TP73: variants seen among roughly 807,000 people sequenced by gnomAD.
The protein encoded by TP73 is tumor protein p73, also known as p53-like transcription factor.
A neutral mutation model predicts 62.5 loss-of-function variants in TP73; 25 were observed. That is an observed-to-expected ratio of 0.40 (90% CI 0.29 to 0.56). The LOEUF is 0.56. Ranked by LOEUF, TP73 falls within the 20% of genes least tolerant of loss-of-function variation. The pLI, the probability that TP73 is intolerant of heterozygous loss-of-function variation, is 0.46. For synonymous variants in TP73, 423 were observed against 377.5 expected, an observed-to-expected ratio of 1.12 and a Z score of -1.40; for missense variants, 754 against 913.3, an observed-to-expected ratio of 0.83 and a Z score of 2.25.
rs1641258301 is a variant in TP73 at position 3,723,397 on chromosome 1, T to C, written c.660T>C (p.Asn220=). 2 of 1,612,520 alleles carry C rather than the reference T, an allele frequency of 1.2e-6. No individual in the cohort carries two copies. Among genetic ancestry groups the C allele is most frequent in the Non-Finnish European group, 1.7e-6 (2 of 1,179,850 alleles). ...GCCACCTCATCCGCGTGGAAGGCAA[T>C]AATCTCTCGCAGTATGTGGATGACC... The part of the protein sequence containing the change: ...PASHLIRVEG[N]NLSQYVDDPV... The change falls in exon 6 of 14, where the codon AAT becomes AAC. Residue 220 remains asparagine (N), a synonymous_variant. Transcript: ENST00000378295.
chr1:3,684,981 C>G (rs1355580696), intron 3 of TP73, among the ~76,000 whole-genome samples: 1 of 152,150 alleles, frequency 6.6e-6, no homozygotes, highest in African/African-American at 2.4e-5. Context: ...GACCCCACCC[C>G]CTCCAGGTCC....
intron 3 of TP73, among the ~76,000 whole-genome samples, chr1:3,690,040 G>T (rs1371277750): frequency 2.6e-5 from 4 of 152,204 alleles, no homozygotes; most frequent in African/African-American, 9.6e-5. Flanking sequence ...GGCCGTCCAC[G>T]CCTGCAGGGG....
At chr1:3,726,420 G>A (rs900332043) in intron 6 of TP73, among the ~76,000 whole-genome samples, 1 of 99,372 alleles carries the variant, frequency 1.0e-5, no homozygotes, top group Non-Finnish European at 2.2e-5. Context: ...GATGGATGGG[G>A]TGGGTGTTGG....
intron 3 of TP73, among the ~76,000 whole-genome samples, chr1:3,687,403 C>T (rs914585459): frequency 4.6e-5 from 7 of 152,194 alleles, no homozygotes; most frequent in Admixed American, 1.3e-4. Flanking sequence ...AAAGCTCCCT[C>T]GTAGGCTCGC....
At chr1:3,698,112 G>T (rs1638831333) in intron 3 of TP73, 1 of 985,598 alleles carries the variant, frequency 1.0e-6, no homozygotes, top group African/African-American at 1.7e-5. Context: ...CACAGCAGGA[G>T]GCTGTTACAG....
At chr1:3,675,708 C>T (rs1645349658) in intron 1 of TP73, among the ~76,000 whole-genome samples, 1 of 152,120 alleles carries the variant, frequency 6.6e-6, no homozygotes, top group Admixed American at 6.5e-5. Flanking sequence ...GTGGGTGTCC[C>T]CATGGGGAGT....
Position 3,730,008 on chromosome 1 carries a change from T to C in TP73, c.1205T>C (p.Leu402Pro), listed in dbSNP as rs1642003609. The change falls in exon 11 of 14, where the codon CTA (leucine) becomes CCA (proline). Residue 402 changes from leucine (L) to proline (P), a missense_variant. Physicochemically the swap from Leu to Pro is moderately conservative, Grantham distance 98 (BLOSUM62 -3). This residue lies in a region of TP73 where 458 missense variants were observed against 528.7 expected (regional missense o/e 0.87). Coordinates refer to ENST00000378295, the MANE Select transcript of TP73 (RefSeq NM_005427.4). ...CCGTTGCTTCTGAGCAGGAGTCACCTACAGCCCCCGTCCTACGGGCCGGTC... is the reference window on the plus strand; with the variant it reads ...CCGTTGCTTCTGAGCAGGAGTCACCCACAGCCCCCGTCCTACGGGCCGGTC... ...QQQLLQRPSH[L>P]QPPSYGPVLS... is the part of the protein sequence containing the mutation. The C allele has an allele frequency of 2.5e-6, 4 of 1,593,032 alleles. No homozygotes were observed. In the African/African-American group the frequency reaches 4.0e-5, roughly 16 times the overall value.
At chr1:3,660,747 A>G (rs1644971342) in intron 1 of TP73, among the ~76,000 whole-genome samples, 7 of 152,256 alleles carry the variant, frequency 4.6e-5, no homozygotes, top group Admixed American at 4.6e-4. Flanking sequence ...TCGAAGACAC[A>G]ACATTTTAGA....
In TP73 at chr1:3,672,134, G is replaced by A. The variant is rs964167694; in HGVS notation, c.-33-10199G>A. Among the ~76,000 whole-genome samples, 11 of 152,090 alleles carry A rather than the reference G, an allele frequency of 7.2e-5. No homozygotes were observed. Among genetic ancestry groups the A allele is most frequent in the Non-Finnish European group, 1.3e-4 (9 of 67,984 alleles). ...CGTGTCCCAGACCCCTTAGAGAAAA[G>A]CCCAGAGCCAGGGGTGAGGGGTATG... is the stretch of plus-strand genomic sequence containing the variant. On this transcript the variant is annotated intron_variant, in intron 1 of 13. Transcript: ENST00000378295. This position sits in a 1 kb window ranked among gnomAD's most constrained non-coding sequence, Gnocchi z 5.3.
At chr1:3,653,173 C>T (rs1644794044) in intron 1 of TP73, among the ~76,000 whole-genome samples, 4 of 152,260 alleles carry the variant, frequency 2.6e-5, no homozygotes, top group African/African-American at 9.6e-5. Context: ...GGGCCTTGAC[C>T]CATGGAGTTG....
intron 3 of TP73, among the ~76,000 whole-genome samples, chr1:3,686,484 T>C (rs1184360200): frequency 1.3e-5 from 2 of 152,138 alleles, no homozygotes; most frequent in East Asian, 3.9e-4. Flanking sequence ...GGATGCCAGG[T>C]GCTGGGTGCT....
rs1283894826 is a variant in TP73, at chr1:3,723,849, G to A, written c.732+380G>A. Among the ~76,000 whole-genome samples, 4 of 152,210 alleles carry A rather than the reference G, an allele frequency of 2.6e-5. No homozygotes were observed. The East Asian group carries it at 7.7e-4, about 29-fold the overall frequency. ...GAGGTCCCCGCCCATTTAGACCCTG[G>A]ATTGGCTGGGGCAGAACCAAACCAG... is the stretch of plus-strand genomic sequence containing the variant. On this transcript the variant is annotated intron_variant, in intron 6 of 13. Transcript: ENST00000378295.
intron 4 of TP73, among the ~76,000 whole-genome samples, chr1:3,713,497 T>TGG (rs1034653961): frequency 1.3e-5 from 2 of 151,798 alleles, no homozygotes; most frequent in Non-Finnish European, 2.9e-5. Flanking sequence ...CGGGGCAAGG[T>TGG]GGGGGGCTCA....
At chr1:3,704,679 C>G (rs965695788) in intron 3 of TP73, among the ~76,000 whole-genome samples, 3 of 152,176 alleles carry the variant, frequency 2.0e-5, no homozygotes, top group Non-Finnish European at 4.4e-5. Context: ...GGCCTGGGCC[C>G]GTGGTCGTAA....
In TP73 at chr1:3,696,340, G is replaced by T. The variant is rs920562528; in HGVS notation, c.187-11209G>T. 1.3e-5 allele frequency among the ~76,000 whole-genome samples: 2 copies of T among 152,234 alleles called. No homozygotes were observed. On this transcript the variant is annotated intron_variant, in intron 3 of 13. Transcript: ENST00000378295. This position sits in a 1 kb window ranked among gnomAD's most constrained non-coding sequence, Gnocchi z 4.1. ...GGAAAGGCCGGCAGGGTCTGGATGTGAGGTGGGTAAGGAGTTGGGGCCACA... is the reference window on the plus strand; with the variant it reads ...GGAAAGGCCGGCAGGGTCTGGATGTTAGGTGGGTAAGGAGTTGGGGCCACA...
At chr1:3,659,022 C>T (rs1644930860) in intron 1 of TP73, 1 of 151,644 alleles carries the variant, frequency 6.6e-6, no homozygotes, top group Admixed American at 6.6e-5. Flanking sequence ...TTAGGGGTGG[C>T]GTATTCTGGT....
rs1407031577 is a variant in TP73 at position 3,725,890 on chromosome 1, G to A, written c.733-1225G>A. Among the ~76,000 whole-genome samples, 87 of 118,570 alleles carry A rather than the reference G, an allele frequency of 7.3e-4. 2 individuals are homozygous for A. The highest frequency in any genetic ancestry group is 2.7e-3 in the African/African-American group (79 of 29,772). The allele number at this position is 118,570 out of a possible 152,430, so 77.8% of individuals were successfully genotyped here. A position where few individuals can be genotyped will look rare whatever the true frequency, so the allele number is the denominator to read the frequency against. On this transcript the variant is annotated intron_variant, in intron 6 of 13. Coordinates refer to ENST00000378295, the MANE Select transcript of TP73 (RefSeq NM_005427.4). ...GGGTGGGTGGATGGATGGATGGATT[G>A]ACTGATATTGAATGGATGGGTGGGT...
chr1:3,711,859 T>C (rs1640174636), intron 4 of TP73, among the ~76,000 whole-genome samples: 2 of 150,534 alleles, frequency 1.3e-5, no homozygotes, highest in South Asian at 4.2e-4. Context: ...TGTGTGTGTG[T>C]GTGTGTGTGC....
chr1:3,674,469 C>A (rs1266166434), intron 1 of TP73, among the ~76,000 whole-genome samples: 1 of 152,238 alleles, frequency 6.6e-6, no homozygotes, highest in African/African-American at 2.4e-5. Flanking sequence ...GTGAGGGGGG[C>A]TCTCAGCCGC....
Sources: gnomAD v4.1 joint callset for allele counts (sites outside exome capture counted in the v4.1 genomes callset) on GRCh38, gnomAD v4.1.1 for gene constraint, gnomAD v4.1.1 regional missense constraint, Gnocchi (gnomAD v3.1) non-coding constraint, MANE v1.5 for transcripts, NCBI Gene and HGNC (gene_info 2026-07-23, HGNC 2026-07-21) for gene names.